CACNA1B: variants seen among roughly 807,000 people sequenced by gnomAD.
CACNA1B encodes the protein voltage-dependent N-type calcium channel subunit alpha-1B.
In CACNA1B, 70 loss-of-function variants were observed where a neutral mutation model predicts 247.2. The ratio of observed to expected loss-of-function variants is 0.28; its 90% CI spans 0.23 to 0.35. The LOEUF is 0.35. Among genes scored for constraint, CACNA1B ranks in the 10% least tolerant of loss-of-function variants. The pLI is 1.00. For missense variants in CACNA1B, 2,367 were observed against 3,197.4 expected (o/e 0.74, Z 6.26); for synonymous variants, 1,231 against 1,294.4 (o/e 0.95, Z 1.05).
chr9:137,967,718 C>T (rs1958097296), intron 10 of CACNA1B, among the ~76,000 whole-genome samples: 1 of 152,100 alleles, frequency 6.6e-6, no homozygotes, highest in Non-Finnish European at 1.5e-5. Context: ...TTTCCTGTTG[C>T]ACATGAGGCA....
chr9:138,067,854 AC>A (rs1018935189), intron 31 of CACNA1B, among the ~76,000 whole-genome samples: 48 of 152,090 alleles, frequency 3.2e-4, no homozygotes, highest in Admixed American at 2.2e-3. Context: ...TGCACAGATA[AC>A]CCCCAGAGGC....
intron 43 of CACNA1B, among the ~76,000 whole-genome samples, 164 bp downstream of exon 43, chr9:138,118,245 G>A (rs1265921651): frequency 1.3e-5 from 1 of 78,572 alleles, no homozygotes; most frequent in Non-Finnish European, 2.5e-5. Flanking sequence ...GACTGGGGTG[G>A]GGGATGTGTG....
In CACNA1B at chr9:138,020,433, T is replaced by C. The variant is rs1299341012; in HGVS notation, c.2268-2578T>C. Among the ~76,000 whole-genome samples, 5 of 152,288 alleles carry C rather than the reference T, an allele frequency of 3.3e-5. No individual in the cohort carries two copies. In the South Asian group the frequency reaches 1.0e-3, roughly 32 times the overall value. The stretch of plus-strand genomic sequence containing the variant: ...ACACTTCACTCTAAGTTGGTGTGGA[T>C]ATGTGCCAGATAGAGCAAGGACAGA... On this transcript the variant is annotated intron_variant, in intron 18 of 46. Coordinates refer to ENST00000371372, the MANE Select transcript of CACNA1B (RefSeq NM_000718.4). The surrounding 1 kb of genome is among the most constrained non-coding windows in gnomAD (Gnocchi z 4.1).
chr9:137,890,711 G>C (rs1957086521), intron 3 of CACNA1B: 1 of 149,940 alleles, frequency 6.7e-6, no homozygotes, highest in Non-Finnish European at 1.5e-5. Flanking sequence ...TCTCTTCAGG[G>C]GTCCCACCAG....
At chr9:137,942,735 G>A (rs566018106) in intron 6 of CACNA1B, among the ~76,000 whole-genome samples, 18 of 152,308 alleles carry the variant, frequency 1.2e-4, no homozygotes, top group East Asian at 7.7e-4. Flanking sequence ...ACCGAACGTC[G>A]TATGTTCTCA....
In CACNA1B at chr9:137,971,133, C is replaced by T. The variant is rs750893249; in HGVS notation, c.1334-250C>T. ...AGAAGGTGGCTGGGGATGCTGGGGA[C>T]CAGAGAAGTGAGTACAGATCATCCA... On this transcript the variant is annotated intron_variant, in intron 10 of 46. Coordinates refer to ENST00000371372, the MANE Select transcript of CACNA1B (RefSeq NM_000718.4). The surrounding 1 kb of genome is among the most constrained non-coding windows in gnomAD (Gnocchi z 4.4). Among the ~76,000 whole-genome samples the T allele has an allele frequency of 1.3e-5, 2 of 152,060 alleles. No homozygotes were observed. The highest frequency in any genetic ancestry group is 6.5e-5 in the Admixed American group (1 of 15,268).
Position 138,057,835 on chromosome 9 carries a change from C to T in CACNA1B, c.4072C>T (p.Leu1358=). The change falls in exon 27 of 47, where the codon CTG becomes TTG. Residue 1358 remains leucine, a synonymous_variant. Coordinates refer to ENST00000371372, the MANE Select transcript of CACNA1B (RefSeq NM_000718.4). This position sits in a 1 kb window ranked among gnomAD's most constrained non-coding sequence, Gnocchi z 4.0. ...YDNVLWALLT[L]FTVSTGEGWP... ...CAATGTGCTCTGGGCTCTGCTGACG[C>T]TGTTCACAGTGTCCACGGGAGAAGG... 1 of 1,609,774 alleles carries T rather than the reference C, an allele frequency of 6.2e-7. No homozygotes were observed. Among genetic ancestry groups the T allele is most frequent in the Non-Finnish European group, 8.5e-7 (1 of 1,176,628 alleles).
At chr9:138,094,595 A>T (rs556832114) in intron 36 of CACNA1B, among the ~76,000 whole-genome samples, 1 of 152,178 alleles carries the variant, frequency 6.6e-6, no homozygotes, top group Non-Finnish European at 1.5e-5. Context: ...AAAACTGCAG[A>T]CTTATATCCC....
chr9:138,118,699 G>T lies in CACNA1B; in HGVS notation c.5961G>T (p.Gly1987=). The T allele has an allele frequency of 1.3e-6, 2 of 1,567,328 alleles. No homozygotes were observed. Among genetic ancestry groups the T allele is most frequent in the East Asian group, 2.4e-5 (1 of 42,528 alleles). ...GCATAACCCGGAGGGGCCCTGATGG[G>T]GAGCCCCAGCCTGGGCTGGAGAGCC... ...MQSITRRGPD[G]EPQPGLESQG... The change falls in exon 44 of 47, where the codon GGG becomes GGT. Residue 1987 remains glycine (G), a synonymous_variant. Coordinates refer to ENST00000371372, the MANE Select transcript of CACNA1B (RefSeq NM_000718.4).
Position 138,056,778 on chromosome 9 carries a change from A to G in CACNA1B, c.3969-954A>G, listed in dbSNP as rs1483064169. 3.9e-5 allele frequency among the ~76,000 whole-genome samples: 6 copies of G among 152,056 alleles called. No homozygotes were observed. In the East Asian group the frequency reaches 1.2e-3, roughly 29 times the overall value. The stretch of plus-strand genomic sequence containing the variant: ...TTTTGGTATTTTTTAAACTACAGCC[A>G]TCATCATGGGCATGAAGTGGTGTCT... On this transcript the variant is annotated intron_variant, in intron 26 of 46. Coordinates refer to ENST00000371372, the MANE Select transcript of CACNA1B (RefSeq NM_000718.4).
chr9:137,932,233 G>C lies in CACNA1B; in HGVS notation c.966+14802G>C, dbSNP rs540946900. The stretch of plus-strand genomic sequence containing the variant: ...GGAGATTGCAAGCCTGCTAACTCCC[G>C]TTTCTACTCTTGCTGTTCTTCCTAA... On this transcript the variant is annotated intron_variant, in intron 6 of 46. Coordinates refer to ENST00000371372, the MANE Select transcript of CACNA1B (RefSeq NM_000718.4). 6.6e-5 allele frequency among the ~76,000 whole-genome samples: 10 copies of C among 152,204 alleles called. No homozygotes were observed. In the South Asian group the frequency reaches 2.1e-3, roughly 32 times the overall value.
At chr9:137,924,628 A>G (rs960241728) in intron 6 of CACNA1B, among the ~76,000 whole-genome samples, 1 of 152,336 alleles carries the variant, frequency 6.6e-6, no homozygotes, top group African/African-American at 2.4e-5. Context: ...GAGAATTGAC[A>G]TCATTACTAT....
chr9:137,947,821 A>G (rs1352526044), intron 6 of CACNA1B, among the ~76,000 whole-genome samples: 2 of 151,566 alleles, frequency 1.3e-5, no homozygotes, highest in African/African-American at 2.4e-5. Flanking sequence ...TTCCCCATAT[A>G]GGTATGGTAT....
chr9:137,995,823 C>CA (rs1199363056), intron 15 of CACNA1B, among the ~76,000 whole-genome samples: 1 of 151,932 alleles, frequency 6.6e-6, no homozygotes, highest in Non-Finnish European at 1.5e-5. Context: ...CTCAAATCAG[C>CA]AAGAAAAAAA....
intron 39 of CACNA1B, among the ~76,000 whole-genome samples, chr9:138,108,062 TGCCCTG>T (rs75461048): frequency 0.16 from 23,415 of 147,460 alleles, 2,400 homozygotes; most frequent in East Asian, 0.47. Context: ...CCAGGCCAGG[TGCCCTG>T]GCTTATGCCT....
At chr9:137,951,746 T>C (rs1407941489) in intron 6 of CACNA1B, among the ~76,000 whole-genome samples, 2 of 152,112 alleles carry the variant, frequency 1.3e-5, no homozygotes, top group Non-Finnish European at 2.9e-5. Flanking sequence ...TGCTGGGCGC[T>C]GTCTCAGGCC....
In CACNA1B at chr9:137,889,100, C is replaced by T. The variant is rs1172909333; in HGVS notation, c.530+6217C>T. 3.4e-4 allele frequency among the ~76,000 whole-genome samples: 51 copies of T among 150,216 alleles called. 1 individual carries two copies. The highest frequency in any genetic ancestry group is 2.5e-3 in the South Asian group (12 of 4,762). ...CTGAACACAGGTGACAGCCCAGAGA[C>T]GCTGCCTTCCCACAAGGCGACCTGA... On this transcript the variant is annotated intron_variant, in intron 3 of 46. Coordinates refer to ENST00000371372, the MANE Select transcript of CACNA1B (RefSeq NM_000718.4).
At chr9:138,076,292 A>G (rs1356558609) in intron 35 of CACNA1B, among the ~76,000 whole-genome samples, 1 of 152,162 alleles carries the variant, frequency 6.6e-6, no homozygotes, top group Non-Finnish European at 1.5e-5. Context: ...GCGGGCCTCC[A>G]GCTTTCCACC....
chr9:138,033,304 A>G (rs1959006725), intron 20 of CACNA1B, among the ~76,000 whole-genome samples: 1 of 151,878 alleles, frequency 6.6e-6, no homozygotes, highest in Non-Finnish European at 1.5e-5. Flanking sequence ...ATTTGTTTTA[A>G]GTGTGTTTTA....
Sources: allele counts gnomAD v4.1 joint callset (sites outside exome capture counted in the v4.1 genomes callset), GRCh38; gene constraint gnomAD v4.1.1; non-coding constraint Gnocchi (gnomAD v3.1); transcripts MANE v1.5; gene names NCBI Gene and HGNC (gene_info 2026-07-23, HGNC 2026-07-21).